SULT2B1: variants seen among roughly 807,000 people sequenced by gnomAD.
SULT2B1 encodes sulfotransferase 2B1.
A neutral mutation model predicts 33.2 loss-of-function variants in SULT2B1; 16 were observed. The ratio of observed to expected loss-of-function variants is 0.48; its 90% CI spans 0.33 to 0.73. SULT2B1 has a LOEUF of 0.73. Ranked by LOEUF, SULT2B1 falls within the 30% of genes least tolerant of loss-of-function variation. The pLI, the probability that SULT2B1 is intolerant of heterozygous loss-of-function variation, is 0.02. For synonymous variants in SULT2B1, 186 were observed against 200.5 expected (o/e 0.93, Z 0.61); for missense variants, 500 against 506.0 (o/e 0.99, Z 0.11).
In SULT2B1 at chr19:48,592,773, G is replaced by T; in HGVS notation, c.602G>T (p.Gly201Val). 1 of 1,595,646 alleles carries T rather than the reference G, an allele frequency of 6.3e-7. No individual in the cohort carries two copies. The highest frequency in any genetic ancestry group is 8.5e-7 in the Non-Finnish European group (1 of 1,170,608). Residue 201 changes from glycine to valine, a missense_variant, in exon 5 of 7, where the codon GGC (glycine) becomes GTC (valine). Physicochemically the swap from Gly to Val is moderately radical, Grantham distance 109. Transcript: ENST00000201586. ...DHIKGWLRMK[G>V]KDNFLFITYE... ...ATTAAGGGCTGGCTTCGGATGAAGG[G>T]CAAAGACAACTTCCTATTTATCACC...
intron 1 of SULT2B1, among the ~76,000 whole-genome samples, chr19:48,564,774 A>G (rs548580077): frequency 7.9e-5 from 12 of 151,926 alleles, no homozygotes; most frequent in Admixed American, 2.0e-4. Context: ...CTAGCCATCT[A>G]TCAATCCTTC....
chr19:48,559,933 C>A (rs1973153184), intron 1 of SULT2B1, among the ~76,000 whole-genome samples: 1 of 142,910 alleles, frequency 7.0e-6, no homozygotes, highest in Non-Finnish European at 1.5e-5. Context: ...CCAGCCTGGG[C>A]AACATAGCAA....
Position 48,596,920 on chromosome 19 carries a change from G to T in SULT2B1, c.826+1G>T, listed in dbSNP as rs1304864799. On this transcript the variant is annotated splice_donor_variant, in intron 6 of 6. Coordinates refer to ENST00000201586, the MANE Select transcript of SULT2B1 (RefSeq NM_177973.2). LOFTEE classifies it high-confidence loss of function. ...CGTCGCGGGGCCTTCCTCCGGAAAG[G>T]TGCGGGGGTTCTGGGGTTCAGAGCC... 3 of 1,584,552 alleles carry T rather than the reference G, an allele frequency of 1.9e-6. No homozygotes were observed. Among genetic ancestry groups the T allele is most frequent in the Non-Finnish European group, 2.6e-6 (3 of 1,171,042 alleles).
chr19:48,552,412 C>G lies in SULT2B1; in HGVS notation c.71+89C>G. On this transcript the variant is annotated intron_variant, in intron 1 of 6. Coordinates refer to ENST00000201586, the MANE Select transcript of SULT2B1 (RefSeq NM_177973.2). This position sits in a 1 kb window ranked among gnomAD's most constrained non-coding sequence, Gnocchi z 4.8. ...CGGGGACTGTGGCAAGGGTGGCCTC[C>G]AGCCACCCGCAGCCGCAGGCCTGGC... 2.9e-6 allele frequency: 4 copies of G among 1,357,352 alleles called. No homozygotes were observed. The highest frequency in any genetic ancestry group is 3.0e-6 in the Non-Finnish European group (3 of 986,986). 84.1% of individuals were successfully genotyped at this position (1,357,352 alleles called of 1,614,324 possible).
intron 1 of SULT2B1, among the ~76,000 whole-genome samples, chr19:48,569,111 G>A (rs1325823137): frequency 6.6e-6 from 1 of 152,058 alleles, no homozygotes; most frequent in Non-Finnish European, 1.5e-5. Context: ...AGGAGGCTGA[G>A]GCAGGCAGAT....
intron 1 of SULT2B1, among the ~76,000 whole-genome samples, chr19:48,558,282 C>A (rs1007574271): frequency 7.2e-5 from 11 of 152,182 alleles, no homozygotes; most frequent in African/African-American, 2.7e-4. Context: ...TGGGGATGAG[C>A]AAGACCCGGA....
At chr19:48,576,989 G>C (rs1293531466) in intron 2 of SULT2B1, among the ~76,000 whole-genome samples, 3 of 148,294 alleles carry the variant, frequency 2.0e-5, no homozygotes, top group Non-Finnish European at 4.5e-5. Context: ...GAGTGTTTGA[G>C]TTTGAGACCA....
At chr19:48,555,049 G>C (rs1368340674) in intron 1 of SULT2B1, among the ~76,000 whole-genome samples, 1 of 152,166 alleles carries the variant, frequency 6.6e-6, no homozygotes, top group Non-Finnish European at 1.5e-5. Context: ...TAGCCTCCGA[G>C]TAGCTGGGAT....
intron 5 of SULT2B1, among the ~76,000 whole-genome samples, chr19:48,593,641 T>A (rs113948185): frequency 0.37 from 55,619 of 151,420 alleles, 10,809 homozygotes; most frequent in East Asian, 0.56. Flanking sequence ...TTAATTAATT[T>A]ATTTATTTTT....
chr19:48,586,368 G>A (rs1324541500), intron 2 of SULT2B1, among the ~76,000 whole-genome samples: 3 of 152,314 alleles, frequency 2.0e-5, no homozygotes, highest in African/African-American at 7.2e-5. Context: ...GGATATCCAT[G>A]CATTCCCAGA....
intron 1 of SULT2B1, among the ~76,000 whole-genome samples, chr19:48,556,084 G>A (rs1024210411): frequency 1.0e-3 from 156 of 152,272 alleles, no homozygotes; most frequent in African/African-American, 3.5e-3. Context: ...CCACTTTCGG[G>A]ACTTTGCGTG....
At chr19:48,567,684 A>G (rs567966823) in intron 1 of SULT2B1, among the ~76,000 whole-genome samples, 1 of 152,196 alleles carries the variant, frequency 6.6e-6, no homozygotes, top group South Asian at 2.1e-4. Context: ...TAAAGAAGGC[A>G]ACAGACCAGG....
chr19:48,576,172 A>G, intron 2 of SULT2B1, 89 bp downstream of exon 2: 1 of 1,239,076 alleles, frequency 8.1e-7, no homozygotes, highest in South Asian at 1.3e-5. Context: ...GAAGGAGGGG[A>G]GGAGGAAAAG....
chr19:48,589,699 C>T (rs551834873), intron 3 of SULT2B1, among the ~76,000 whole-genome samples: 2 of 152,170 alleles, frequency 1.3e-5, no homozygotes, highest in African/African-American at 4.8e-5. Flanking sequence ...CGGTGGCTCA[C>T]GCCTGAAATC....
intron 5 of SULT2B1, 148 bp downstream of exon 5, chr19:48,592,964 C>T: frequency 1.5e-6 from 1 of 687,008 alleles, no homozygotes; most frequent in Non-Finnish European, 2.5e-6. Context: ...AGAACAGAGG[C>T]CCTGAGCCTG....
intron 1 of SULT2B1, among the ~76,000 whole-genome samples, chr19:48,557,114 A>G (rs1290151550): frequency 1.3e-5 from 2 of 152,250 alleles, no homozygotes; most frequent in Admixed American, 1.3e-4. Flanking sequence ...CAAACAAGGA[A>G]TTGACCAGAA....
chr19:48,560,254 G>A (rs1369937424), intron 1 of SULT2B1, among the ~76,000 whole-genome samples: 1 of 152,170 alleles, frequency 6.6e-6, no homozygotes, highest in Non-Finnish European at 1.5e-5. Context: ...TGATAATAAT[G>A]ATGAGCTTCC....
intron 2 of SULT2B1, 81 bp downstream of exon 2, chr19:48,576,164 A>G: frequency 2.4e-6 from 3 of 1,268,664 alleles, no homozygotes; most frequent in South Asian, 2.6e-5. Flanking sequence ...CACATAGAGA[A>G]GGAGGGGAGG....
chr19:48,596,488 C>A (rs1172408580), intron 5 of SULT2B1: 1 of 417,130 alleles, frequency 2.4e-6, no homozygotes, highest in African/African-American at 2.2e-5. Context: ...TGACCTCTGC[C>A]CCCTGCTGTG....
Sources: gnomAD v4.1 joint callset for allele counts (sites outside exome capture counted in the v4.1 genomes callset) on GRCh38, gnomAD v4.1.1 for gene constraint, Gnocchi (gnomAD v3.1) non-coding constraint, MANE v1.5 for transcripts, NCBI Gene and HGNC (gene_info 2026-07-23, HGNC 2026-07-21) for gene names.